ZNF582: variants seen among roughly 807,000 people sequenced by gnomAD.
ZNF582 encodes the protein zinc finger protein 582.
A neutral mutation model predicts 12.3 loss-of-function variants in ZNF582; 14 were observed. The ratio of observed to expected loss-of-function variants is 1.14; its 90% CI spans 0.75 to 1.78. The LOEUF is 1.78. Among genes scored for constraint, ZNF582 ranks in the 40% most tolerant of loss-of-function variants. The pLI is 0.00. For synonymous variants in ZNF582, 210 were observed against 207.2 expected, an observed-to-expected ratio of 1.01 and a Z score of -0.11; for missense variants, 567 against 616.5, an observed-to-expected ratio of 0.92 and a Z score of 0.85.
rs749069778 is a variant in ZNF582, at chr19:56,384,081, T to C, written c.1336A>G (p.Thr446Ala). ...TTATATTCATAGGGCTTTTTCTCAG[T>C]GTGAATAACCTGATGATGAATCAAT... is the stretch of plus-strand genomic sequence containing the variant. Residue 446 changes from threonine to alanine, a missense_variant, in exon 5 of 5, where the codon ACT becomes GCT. Physicochemically the swap from Thr to Ala is moderately conservative, Grantham distance 58. Coordinates refer to ENST00000586929, the Ensembl canonical transcript of ZNF582. 14 of 1,610,916 alleles carry C rather than the reference T, an allele frequency of 8.7e-6. No homozygotes were observed. The highest frequency in any genetic ancestry group is 1.0e-5 in the Non-Finnish European group (12 of 1,178,822).
At chr19:56,389,148 A>G (rs1400854831) in intron 4 of ZNF582, among the ~76,000 whole-genome samples, 1 of 152,174 alleles carries the variant, frequency 6.6e-6, no homozygotes, top group East Asian at 1.9e-4. Context: ...TCTTTCACAT[A>G]TTAGCTCATG....
chr19:56,383,831 A>G, exon 5 of ZNF582: 1 of 1,516,474 alleles, frequency 6.6e-7, no homozygotes, highest in Non-Finnish European at 8.8e-7. Flanking sequence ...TCTTTCTCCA[A>G]GAGGGAGAAG....
exon 5 of ZNF582, chr19:56,383,353 G>C (rs963556762): frequency 3.9e-5 from 6 of 152,274 alleles, no homozygotes; most frequent in African/African-American, 1.4e-4. Flanking sequence ...TGGTAGACTT[G>C]AATAGCATGT....
chr19:56,385,216 T>G, intron 4 of ZNF582, 32 bp from the exon 5 acceptor site: 9 of 1,529,610 alleles, frequency 5.9e-6, no homozygotes, highest in Non-Finnish European at 7.8e-6. Context: ...TATGTTTGGC[T>G]TCTTTTTTTT....
At chr19:56,389,834 G>C (rs1385945932) in intron 4 of ZNF582, among the ~76,000 whole-genome samples, 167 bp downstream of exon 4, 1 of 152,084 alleles carries the variant, frequency 6.6e-6, no homozygotes, top group Non-Finnish European at 1.5e-5. Flanking sequence ...CAGGAGGAAG[G>C]AGCAGCCACC....
exon 5 of ZNF582, chr19:56,384,713 G>T: frequency 6.2e-7 from 1 of 1,612,148 alleles, no homozygotes; most frequent in South Asian, 1.1e-5. Context: ...AGAATTGAAG[G>T]CCTTTCCACA....
rs113913559 is a variant in ZNF582 at position 56,393,319 on chromosome 19, G to A, written c.-180C>T. On this transcript the variant is annotated 5_prime_UTR_variant, in exon 1 of 5. Transcript: ENST00000586929. ...CGGCGGGAAATGTAGTCTCACGCCG[G>A]TAAAGCCACAGAGCGACGATGAGGC... is the stretch of plus-strand genomic sequence containing the variant. 1.2e-3 allele frequency: 1,388 copies of A among 1,186,534 alleles called. 17 individuals carry two copies. The African/African-American group carries it at 0.02, about 17-fold the overall frequency. 73.5% of individuals were successfully genotyped at this position (1,186,534 alleles called of 1,614,324 possible). A position where few individuals can be genotyped will look rare whatever the true frequency, so the allele number is the denominator to read the frequency against.
chr19:56,385,830 AG>A (rs1164268742), intron 4 of ZNF582, among the ~76,000 whole-genome samples: 2 of 152,218 alleles, frequency 1.3e-5, no homozygotes, highest in African/African-American at 4.8e-5. Context: ...AGGGAGCACA[AG>A]GGAACTTTTT....
chr19:56,388,630 C>A (rs538988754), intron 4 of ZNF582, among the ~76,000 whole-genome samples: 2 of 152,132 alleles, frequency 1.3e-5, no homozygotes, highest in African/African-American at 2.4e-5. Flanking sequence ...CCTTTCCTAG[C>A]GTATCTTTTT....
exon 5 of ZNF582, chr19:56,385,132 A>G: frequency 6.2e-7 from 1 of 1,612,210 alleles, no homozygotes; most frequent in Non-Finnish European, 8.5e-7. Flanking sequence ...ATTCGACTTC[A>G]TAAACATGCT....
intron 2 of ZNF582, 133 bp downstream of exon 2, chr19:56,391,611 T>C: frequency 1.3e-6 from 1 of 749,858 alleles, no homozygotes; most frequent in Non-Finnish European, 2.3e-6. Context: ...GAGAGGACAA[T>C]GGGAGAGGAG....
At chr19:56,393,397 T>A (rs542004830) in exon 1 of ZNF582, 2 of 631,632 alleles carry the variant, frequency 3.2e-6, no homozygotes, top group Non-Finnish European at 5.3e-6. Context: ...GGGCACCAGC[T>A]CCTGCTGGAC....
At chr19:56,391,121 G>A (rs966194584) in intron 2 of ZNF582, among the ~76,000 whole-genome samples, 1 of 152,090 alleles carries the variant, frequency 6.6e-6, no homozygotes, top group Admixed American at 6.5e-5. Context: ...TTTGGATCCC[G>A]AGGTTGGATC....
chr19:56,382,967 C>T (rs1489281072), exon 5 of ZNF582: 1 of 152,190 alleles, frequency 6.6e-6, no homozygotes, highest in African/African-American at 2.4e-5. Flanking sequence ...AGGAAGTCTT[C>T]ATGATAAACC....
chr19:56,383,497 A>G (rs2041935177), exon 5 of ZNF582: 1 of 164,120 alleles, frequency 6.1e-6, no homozygotes, highest in African/African-American at 2.4e-5. Context: ...ATCTCTTGGC[A>G]TGTTAAACTC....
intron 4 of ZNF582, among the ~76,000 whole-genome samples, chr19:56,388,773 T>C (rs1427738800): frequency 4.6e-5 from 7 of 152,112 alleles, no homozygotes; most frequent in Non-Finnish European, 8.8e-5. Context: ...GCTGGGATTA[T>C]AGGCACGTGC....
intron 2 of ZNF582, 89 bp from the exon 3 acceptor site, chr19:56,390,590 G>A: frequency 6.7e-7 from 1 of 1,491,714 alleles, no homozygotes. Flanking sequence ...CGGGAGGGGG[G>A]GTTGTTTTGT....
At chr19:56,392,407 T>A (rs989129603) in intron 1 of ZNF582, among the ~76,000 whole-genome samples, 3 of 152,230 alleles carry the variant, frequency 2.0e-5, no homozygotes, top group African/African-American at 7.2e-5. Context: ...AGAGACAAAT[T>A]ACACACAGCA....
At chr19:56,383,397 T>C (rs2041934128) in exon 5 of ZNF582, 1 of 152,844 alleles carries the variant, frequency 6.5e-6, no homozygotes, top group Admixed American at 6.5e-5. Flanking sequence ...CAGATTTTCA[T>C]GTATATGCAT....
Sources: allele counts gnomAD v4.1 joint callset (sites outside exome capture counted in the v4.1 genomes callset), GRCh38; gene constraint gnomAD v4.1.1; transcripts MANE v1.5; gene names NCBI Gene and HGNC (gene_info 2026-07-23, HGNC 2026-07-21).